The following SGCG variants were observed in gnomAD, a reference collection of about 807,000 sequenced individuals.
SGCG encodes sarcoglycan gamma.
Under a neutral mutation model 29.3 loss-of-function variants are expected in SGCG, and 26 were observed. That is an observed-to-expected ratio of 0.89 (90% CI 0.65 to 1.23). The LOEUF is 1.23. SGCG is among the 50% of genes most tolerant of loss of function. The pLI, the probability that SGCG is intolerant of heterozygous loss-of-function variation, is 0.00. For missense variants in SGCG, 353 were observed against 356.0 expected (o/e 0.99, Z 0.07); for synonymous variants, 145 against 129.7 (o/e 1.12, Z -0.80).
chr13:23,315,333 G>T (rs746763980), intron 6 of SGCG, among the ~76,000 whole-genome samples: 4 of 152,214 alleles, frequency 2.6e-5, no homozygotes, highest in African/African-American at 9.6e-5. Flanking sequence ...GTGCACAACA[G>T]CATTCCATCA....
At chr13:23,171,890 G>C in the SGCG span, among the ~76,000 whole-genome samples, 2 of 152,302 alleles carry the variant, frequency 1.3e-5, no homozygotes, top group East Asian at 3.9e-4. Context: ...ATCGGTTCAT[G>C]GCCTGGGGGT....
chr13:23,188,480 AT>A (rs71218545), intron 1 of SGCG, among the ~76,000 whole-genome samples: 6,474 of 120,184 alleles, frequency 0.054, 171 homozygotes, highest in South Asian at 0.062. Context: ...CGCCTGCCTA[AT>A]TTTTTTTTTT....
intron 3 of SGCG, among the ~76,000 whole-genome samples, chr13:23,241,437 A>C (rs1369326315): frequency 6.6e-6 from 1 of 152,154 alleles, no homozygotes; most frequent in Non-Finnish European, 1.5e-5. Flanking sequence ...AGGAAATCTA[A>C]ACAGACCAAT....
intron 6 of SGCG, among the ~76,000 whole-genome samples, chr13:23,300,326 G>A (rs57471979): frequency 0.1 from 15,848 of 152,168 alleles, 944 homozygotes; most frequent in African/African-American, 0.17. Flanking sequence ...GCAGCTCATG[G>A]TCAGAGTAGA....
chr13:23,235,569 A>T (rs117012613), intron 3 of SGCG, among the ~76,000 whole-genome samples: 1,567 of 152,340 alleles, frequency 0.01, 23 homozygotes, highest in Middle Eastern at 0.034. Flanking sequence ...ACAGCCAAGA[A>T]TAAAGTGCAA....
chr13:23,258,899 A>G (rs762578430), intron 4 of SGCG, among the ~76,000 whole-genome samples: 8 of 152,062 alleles, frequency 5.3e-5, no homozygotes, highest in African/African-American at 1.9e-4. Context: ...GATGAAACCA[A>G]CTAGATCTTG....
intron 6 of SGCG, among the ~76,000 whole-genome samples, chr13:23,306,855 C>T (rs1215087282): frequency 6.6e-6 from 1 of 152,186 alleles, no homozygotes; most frequent in African/African-American, 2.4e-5. Flanking sequence ...CATCCAGTAA[C>T]AGAAGAGCAC....
intron 4 of SGCG, among the ~76,000 whole-genome samples, chr13:23,267,329 T>C (rs1244879222): frequency 6.6e-6 from 1 of 152,198 alleles, no homozygotes; most frequent in East Asian, 1.9e-4. Context: ...TACAGGAGCA[T>C]GGTCACTACA....
At chr13:23,162,266 T>C in the SGCG span, among the ~76,000 whole-genome samples, 6 of 152,198 alleles carry the variant, frequency 3.9e-5, no homozygotes, top group African/African-American at 1.4e-4. Flanking sequence ...CATTATGTTA[T>C]CTTAGGAATG....
chr13:23,306,560 A>G (rs187031099), intron 6 of SGCG, among the ~76,000 whole-genome samples: 25 of 152,324 alleles, frequency 1.6e-4, no homozygotes, highest in African/African-American at 5.1e-4. Flanking sequence ...ATAAAAATCA[A>G]TGTCTATAAA....
intron 6 of SGCG, among the ~76,000 whole-genome samples, chr13:23,309,727 G>A (rs898090941): frequency 6.6e-6 from 1 of 152,120 alleles, no homozygotes; most frequent in African/African-American, 2.4e-5. Flanking sequence ...TTCAAACAGT[G>A]TGTGTAAGAG....
chr13:23,322,633 C>A (rs760076798), intron 7 of SGCG, among the ~76,000 whole-genome samples: 2 of 152,114 alleles, frequency 1.3e-5, no homozygotes, highest in Non-Finnish European at 2.9e-5. Context: ...CTCCATACAC[C>A]GGGTGAATGT....
chr13:23,271,194 A>G (rs1009237473), intron 4 of SGCG, among the ~76,000 whole-genome samples: 1 of 152,190 alleles, frequency 6.6e-6, no homozygotes, highest in Admixed American at 6.5e-5. Context: ...CCTGTGTGAT[A>G]GAGTGAGACT....
At chr13:23,247,346 G>A (rs1265158999) in intron 3 of SGCG, among the ~76,000 whole-genome samples, 4 of 152,146 alleles carry the variant, frequency 2.6e-5, no homozygotes, top group African/African-American at 9.7e-5. Flanking sequence ...AAACCTTTTC[G>A]TAAGACTTCT....
At chr13:23,289,341 T>C (rs9552910) in intron 5 of SGCG, among the ~76,000 whole-genome samples, 97,422 of 152,138 alleles carry the variant, frequency 0.64, 32,840 homozygotes, top group Middle Eastern at 0.84. Flanking sequence ...TCCAGGTTGT[T>C]GATTAATTTA....
At chr13:23,213,160 A>G (rs1171560396) in intron 2 of SGCG, among the ~76,000 whole-genome samples, 1 of 152,080 alleles carries the variant, frequency 6.6e-6, no homozygotes, top group Admixed American at 6.5e-5. Context: ...TAGGGTTGCA[A>G]TTTATAGGAT....
chr13:23,234,583 C>A (rs116140859), intron 2 of SGCG, 28 bp from the exon 3 acceptor site: 3 of 1,400,340 alleles, frequency 2.1e-6, no homozygotes, highest in African/African-American at 2.9e-5. Flanking sequence ...TAAAAATATA[C>A]GCATTGTCTC....
chr13:23,234,574 A>G (rs2137544912), intron 2 of SGCG, 37 bp from the exon 3 acceptor site: 1 of 1,394,938 alleles, frequency 7.2e-7, no homozygotes, highest in Middle Eastern at 1.8e-4. Context: ...AGCAAGCAAT[A>G]AAAATATACG....
At chr13:23,320,528 A>G in intron 6 of SGCG, 109 bp from the exon 7 acceptor site, 1 of 890,428 alleles carries the variant, frequency 1.1e-6, no homozygotes, top group South Asian at 1.5e-5. Context: ...TGACTTGAAG[A>G]CTTACATATC....
Sources: gnomAD v4.1 joint callset for allele counts (sites outside exome capture counted in the v4.1 genomes callset) on GRCh38, gnomAD v4.1.1 for gene constraint, MANE v1.5 for transcripts, NCBI Gene and HGNC (gene_info 2026-07-23, HGNC 2026-07-21) for gene names.